GNAS-AS1: variants seen among roughly 807,000 people sequenced by gnomAD.
GNAS-AS1 encodes the protein GNAS antisense RNA 1, also known as GNAS antisense RNA 1 (non-protein coding).
At chr20:58,828,848 T>A (rs2085537092) in intron 4 of GNAS-AS1, among the ~76,000 whole-genome samples, 1 of 151,698 alleles carries the variant, frequency 6.6e-6, no homozygotes, top group African/African-American at 2.4e-5. Context: ...GCAGAGCTCC[T>A]GGCCCCACCG....
chr20:58,827,467 C>T (rs2085528629), intron 4 of GNAS-AS1, among the ~76,000 whole-genome samples: 2 of 152,242 alleles, frequency 1.3e-5, no homozygotes, highest in African/African-American at 4.8e-5. Flanking sequence ...AGCAGCTCCA[C>T]TGCTTGATAT....
At chr20:58,821,647 T>C (rs925364580) in intron 4 of GNAS-AS1, among the ~76,000 whole-genome samples, 5 of 152,288 alleles carry the variant, frequency 3.3e-5, no homozygotes, top group Admixed American at 3.3e-4. Context: ...TAGCGTCCCT[T>C]GGAAGCCTAC....
chr20:58,824,685 A>G (rs886665051), intron 4 of GNAS-AS1, among the ~76,000 whole-genome samples: 1 of 152,094 alleles, frequency 6.6e-6, no homozygotes, highest in African/African-American at 2.4e-5. Flanking sequence ...TCCTTCTCCC[A>G]CTCCTTGTGG....
intron 4 of GNAS-AS1, among the ~76,000 whole-genome samples, chr20:58,823,103 A>G (rs1600642940): frequency 1.3e-5 from 2 of 152,116 alleles, no homozygotes; most frequent in Non-Finnish European, 2.9e-5. Context: ...TCTCCTGGCC[A>G]TATCTAGCCA....
intron 4 of GNAS-AS1, among the ~76,000 whole-genome samples, chr20:58,820,309 A>G (rs1372807820): frequency 6.6e-6 from 1 of 152,244 alleles, no homozygotes; most frequent in Admixed American, 6.5e-5. Flanking sequence ...CCCAGCTGCC[A>G]AGACGAGGCT....
Position 58,840,055 on chromosome 20 carries a change from ACT to A in GNAS-AS1, n.819+1880_819+1881del, listed in dbSNP as rs2085658903. On this transcript the variant is annotated intron_variant and non_coding_transcript_variant, in intron 4 of 4. Transcript: ENST00000424094. The surrounding 1 kb of genome is among the most constrained non-coding windows in gnomAD (Gnocchi z 6.0). Reference sequence around the variant, plus strand: ...CCAGCAGCCAATGTGCTTCGGAGCCACTCTCTGCAGAGCCAGAGGGCAGGCCG... The same window carrying A: ...CCAGCAGCCAATGTGCTTCGGAGCCACTCTGCAGAGCCAGAGGGCAGGCCG... 2 of 1,597,242 alleles carry A rather than the reference ACT, an allele frequency of 1.3e-6. No homozygotes were observed. Among genetic ancestry groups the A allele is most frequent in the Non-Finnish European group, 1.7e-6 (2 of 1,173,578 alleles).
intron 2 of GNAS-AS1, among the ~76,000 whole-genome samples, chr20:58,844,406 T>G (rs2085861687): frequency 6.6e-6 from 1 of 152,156 alleles, no homozygotes; most frequent in South Asian, 2.1e-4. Flanking sequence ...GAATTTCTTG[T>G]TCTGTTGTGG....
chr20:58,830,486 A>G (rs1190726053), intron 4 of GNAS-AS1, among the ~76,000 whole-genome samples: 1 of 94,122 alleles, frequency 1.1e-5, no homozygotes. Flanking sequence ...CATCACCATC[A>G]CCACCATCAC....
intron 4 of GNAS-AS1, chr20:58,839,851 A>G: frequency 1.7e-6 from 1 of 596,834 alleles, no homozygotes; most frequent in Non-Finnish European, 3.0e-6. Flanking sequence ...GGGAGGAGAC[A>G]GAACTTTCCC....
At chr20:58,837,797 A>G (rs2085615354) in intron 4 of GNAS-AS1, among the ~76,000 whole-genome samples, 1 of 152,244 alleles carries the variant, frequency 6.6e-6, no homozygotes, top group Non-Finnish European at 1.5e-5. Context: ...CAAGCTAGAC[A>G]CAGCCAAGAT....
At chr20:58,835,096 G>A (rs929210100) in intron 4 of GNAS-AS1, among the ~76,000 whole-genome samples, 1 of 151,868 alleles carries the variant, frequency 6.6e-6, no homozygotes, top group Non-Finnish European at 1.5e-5. Context: ...GGGAACAGGC[G>A]GGAGGGGCCA....
chr20:58,827,432 C>T (rs2085528443), intron 4 of GNAS-AS1, among the ~76,000 whole-genome samples: 1 of 152,198 alleles, frequency 6.6e-6, no homozygotes, highest in Non-Finnish European at 1.5e-5. Context: ...GCAGTGTAGC[C>T]AAGGCTCTGT....
chr20:58,847,641 C>T (rs1176258365), intron 2 of GNAS-AS1, among the ~76,000 whole-genome samples: 1 of 152,204 alleles, frequency 6.6e-6, no homozygotes, highest in Non-Finnish European at 1.5e-5. Flanking sequence ...AGAGAAGGCA[C>T]TTCTGCAAAC....
In GNAS-AS1 at chr20:58,840,314, C is replaced by T. The variant is rs1376237006; in HGVS notation, n.819+1623G>A. Reference sequence around the variant, plus strand: ...CCGGAGCTTCCTTAACGCCCACCACCGCTCCGGCGCCCAGGTATTCCCTGA... The same window carrying T: ...CCGGAGCTTCCTTAACGCCCACCACTGCTCCGGCGCCCAGGTATTCCCTGA... On this transcript the variant is annotated intron_variant and non_coding_transcript_variant, in intron 4 of 4. Coordinates refer to ENST00000424094, the Ensembl canonical transcript of GNAS-AS1. This position sits in a 1 kb window ranked among gnomAD's most constrained non-coding sequence, Gnocchi z 6.0. The T allele has an allele frequency of 1.2e-6, 2 of 1,612,884 alleles. No individual in the cohort carries two copies. Among genetic ancestry groups the T allele is most frequent in the Non-Finnish European group, 1.7e-6 (2 of 1,179,942 alleles).
chr20:58,838,473 A>G (rs139380195), intron 4 of GNAS-AS1, among the ~76,000 whole-genome samples: 37 of 152,312 alleles, frequency 2.4e-4, no homozygotes, highest in African/African-American at 8.9e-4. Flanking sequence ...GACTGATTCA[A>G]TCTCCTGATT....
chr20:58,818,995 T>C (rs2085467858), exon 5 of GNAS-AS1: 1 of 398,536 alleles, frequency 2.5e-6, no homozygotes, highest in South Asian at 1.3e-4. Context: ...CTAATGGACA[T>C]GTGCAGAAAA....
intron 4 of GNAS-AS1, among the ~76,000 whole-genome samples, chr20:58,823,352 T>C (rs1484675737): frequency 3.9e-5 from 6 of 152,212 alleles, no homozygotes. Context: ...CCATTCTTAA[T>C]TTGGCTCCTT....
At position 58,840,290 on chromosome 20, in the gene GNAS-AS1, C is replaced by T. The variant is rs755729283; in HGVS notation, n.819+1647G>A. 8.7e-6 allele frequency: 14 copies of T among 1,612,424 alleles called. No individual in the cohort carries two copies. In the Admixed American group the frequency reaches 2.2e-4, roughly 25 times the overall value. ...GCAGCGCGCGGCTGCCCAACAGCGC[C>T]GGAGCTTCCTTAACGCCCACCACCG... On this transcript the variant is annotated intron_variant and non_coding_transcript_variant, in intron 4 of 4. Coordinates refer to ENST00000424094, the Ensembl canonical transcript of GNAS-AS1. The surrounding 1 kb of genome is among the most constrained non-coding windows in gnomAD (Gnocchi z 6.0).
chr20:58,848,033 A>G (rs1199865594), intron 2 of GNAS-AS1, among the ~76,000 whole-genome samples: 1 of 152,188 alleles, frequency 6.6e-6, no homozygotes, highest in East Asian at 1.9e-4. Context: ...AAAGAAATAC[A>G]CACATTCTTT....
Sources: gnomAD v4.1 joint callset for allele counts (sites outside exome capture counted in the v4.1 genomes callset) on GRCh38, gnomAD v4.1.1 for gene constraint, Gnocchi (gnomAD v3.1) non-coding constraint, MANE v1.5 for transcripts, NCBI Gene and HGNC (gene_info 2026-07-23, HGNC 2026-07-21) for gene names.